Variants in PHTF2 observed in about 807,000 individuals in gnomAD.
The protein encoded by PHTF2 is putative homeodomain transcription factor 2.
Under a neutral mutation model 101.2 loss-of-function variants are expected in PHTF2, and 60 were observed. That is an observed-to-expected ratio of 0.59 (90% confidence interval 0.48 to 0.73). PHTF2 has a LOEUF of 0.73. Ranked by LOEUF, PHTF2 falls within the 30% of genes least tolerant of loss-of-function variation. PHTF2 has a pLI of 0.00. For missense variants in PHTF2, 747 were observed against 908.7 expected (o/e 0.82, Z 2.29); for synonymous variants, 311 against 307.3 (o/e 1.01, Z -0.13).
chr7:77,830,319 A>G (rs1383788529), intron 1 of PHTF2, among the ~76,000 whole-genome samples: 2 of 152,218 alleles, frequency 1.3e-5, no homozygotes, highest in Non-Finnish European at 2.9e-5. Flanking sequence ...ATACATACTT[A>G]TGATAAAGTT....
At chr7:77,860,393 CACA>C (rs1477282504) in intron 3 of PHTF2, among the ~76,000 whole-genome samples, 1 of 152,178 alleles carries the variant, frequency 6.6e-6, no homozygotes. Context: ...GCTAATTATA[CACA>C]ACAATTTAAA....
chr7:77,954,423 C>T (rs936837909), intron 19 of PHTF2, among the ~76,000 whole-genome samples: 45 of 151,856 alleles, frequency 3.0e-4, no homozygotes, highest in African/African-American at 8.2e-4. Flanking sequence ...TGTGAGCCAC[C>T]GCGCCTAGCA....
intron 5 of PHTF2, among the ~76,000 whole-genome samples, chr7:77,900,172 G>A (rs1474735214): frequency 6.6e-6 from 1 of 152,058 alleles, no homozygotes; most frequent in African/African-American, 2.4e-5. Context: ...TCTGATGAGG[G>A]GTTGACATGT....
chr7:77,912,807 C>A (rs1195908741), intron 9 of PHTF2, among the ~76,000 whole-genome samples: 1 of 135,772 alleles, frequency 7.4e-6, no homozygotes, highest in Non-Finnish European at 1.5e-5. Flanking sequence ...ATCATGGCTC[C>A]CTGAAGCCTC....
intron 1 of PHTF2, among the ~76,000 whole-genome samples, chr7:77,821,161 C>T (rs1321636777): frequency 1.3e-5 from 2 of 151,204 alleles, no homozygotes; most frequent in African/African-American, 4.8e-5. Flanking sequence ...TTGAATATAT[C>T]ATCTCATTCT....
chr7:77,822,943 C>A (rs1360805558), intron 1 of PHTF2, among the ~76,000 whole-genome samples: 1 of 145,316 alleles, frequency 6.9e-6, no homozygotes, highest in Non-Finnish European at 1.5e-5. Flanking sequence ...CTCGCTCTGT[C>A]GCCCAGGCTG....
chr7:77,942,258 A>G (rs1475428894), intron 15 of PHTF2, among the ~76,000 whole-genome samples: 1 of 151,992 alleles, frequency 6.6e-6, no homozygotes, highest in African/African-American at 2.4e-5. Context: ...CCCTTTTAGC[A>G]CTCATCACAA....
At chr7:77,821,478 G>A (rs1350008258) in intron 1 of PHTF2, among the ~76,000 whole-genome samples, 2 of 151,780 alleles carry the variant, frequency 1.3e-5, no homozygotes, top group East Asian at 3.9e-4. Flanking sequence ...GTATGTATCT[G>A]CTGTAGATGG....
chr7:77,833,891 T>C (rs1041676029), intron 1 of PHTF2, among the ~76,000 whole-genome samples: 4 of 152,202 alleles, frequency 2.6e-5, no homozygotes, highest in Non-Finnish European at 4.4e-5. Context: ...ATTCCATATA[T>C]GTAACACTAA....
intron 1 of PHTF2, among the ~76,000 whole-genome samples, chr7:77,833,214 A>G (rs1489936205): frequency 6.6e-6 from 1 of 152,236 alleles, no homozygotes; most frequent in Non-Finnish European, 1.5e-5. Flanking sequence ...TCTTGTCAAA[A>G]TCTTCCTTGT....
intron 9 of PHTF2, among the ~76,000 whole-genome samples, chr7:77,914,236 G>A (rs1008152086): frequency 1.3e-5 from 2 of 152,116 alleles, no homozygotes; most frequent in Non-Finnish European, 2.9e-5. Context: ...AATATCCTAG[G>A]AGAACAAAGG....
intron 3 of PHTF2, among the ~76,000 whole-genome samples, chr7:77,889,930 CT>C (rs1800228384): frequency 6.6e-6 from 1 of 151,970 alleles, no homozygotes; most frequent in Non-Finnish European, 1.5e-5. Flanking sequence ...CAGAAGAAGT[CT>C]GCTGCAAAGG....
intron 1 of PHTF2, among the ~76,000 whole-genome samples, chr7:77,837,567 T>G (rs1795565524): frequency 6.6e-6 from 1 of 152,200 alleles, no homozygotes; most frequent in African/African-American, 2.4e-5. Flanking sequence ...AAAATCACCA[T>G]TACTGAAGAA....
intron 3 of PHTF2, among the ~76,000 whole-genome samples, chr7:77,855,473 C>T (rs893375096): frequency 1.8e-4 from 27 of 152,330 alleles, no homozygotes; most frequent in East Asian, 1.9e-4. Context: ...ATTCTCTTGG[C>T]TGCCCCAGCT....
At chr7:77,830,191 A>G (rs898942056) in intron 1 of PHTF2, among the ~76,000 whole-genome samples, 1 of 152,216 alleles carries the variant, frequency 6.6e-6, no homozygotes, top group African/African-American at 2.4e-5. Flanking sequence ...ATATAAAACA[A>G]TATAGTAAGT....
intron 17 of PHTF2, among the ~76,000 whole-genome samples, chr7:77,950,297 ACAAT>A (rs1233669385): frequency 6.6e-6 from 1 of 152,192 alleles, no homozygotes; most frequent in East Asian, 1.9e-4. Flanking sequence ...TTGATTTTAA[ACAAT>A]CAATAAACCT....
rs566954307 is a variant in PHTF2 at position 77,877,942 on chromosome 7, TG to T, written c.148-15661del. Among the ~76,000 whole-genome samples, 67 of 152,262 alleles carry T rather than the reference TG, an allele frequency of 4.4e-4. No homozygotes were observed. In the East Asian group the frequency reaches 0.012, roughly 27 times the overall value. On this transcript the variant is annotated intron_variant, in intron 3 of 19. Coordinates refer to ENST00000416283, the Ensembl canonical transcript of PHTF2. ...TGTGTGTCTGGCTTTGAATCACTGT[TG>T]GGGGAAGGGGATGTGCAGGATCAAA...
rs183657268 is a variant in PHTF2, at chr7:77,950,496, A to C, written c.2115+663A>C. The stretch of plus-strand genomic sequence containing the variant: ...GCCAACAAGGTGAAACCCCATCCCT[A>C]CAAAAAATACAAAAATTAGCCAGGT... On this transcript the variant is annotated intron_variant, in intron 17 of 19. Coordinates refer to ENST00000416283, the Ensembl canonical transcript of PHTF2. 2.1e-4 allele frequency among the ~76,000 whole-genome samples: 32 copies of C among 152,230 alleles called. No homozygotes were observed. In the East Asian group the frequency reaches 6.0e-3, roughly 28 times the overall value.
chr7:77,841,289 A>G (rs1432563337), intron 2 of PHTF2, among the ~76,000 whole-genome samples: 1 of 151,918 alleles, frequency 6.6e-6, no homozygotes. Flanking sequence ...CGTGTTGGTC[A>G]GGCTGATCTT....
Sources: allele counts gnomAD v4.1 joint callset (sites outside exome capture counted in the v4.1 genomes callset), GRCh38; gene constraint gnomAD v4.1.1; transcripts MANE v1.5; gene names NCBI Gene and HGNC (gene_info 2026-07-23, HGNC 2026-07-21).